Variants in AIG1 observed in about 807,000 individuals in gnomAD.
AIG1 encodes the protein androgen induced 1.
AIG1 carries 23 observed loss-of-function variants against 31.4 expected under a neutral mutation model. The ratio of observed to expected loss-of-function variants is 0.73; its 90% CI spans 0.53 to 1.04. The LOEUF is 1.04. Ranked by LOEUF, AIG1 falls within the 50% of genes least tolerant of loss-of-function variation. AIG1 has a pLI of 0.00. For synonymous variants in AIG1, 100 were observed against 110.5 expected (o/e 0.90, Z 0.60); for missense variants, 274 against 295.0 (o/e 0.93, Z 0.52).
At chr6:143,091,171 C>G (rs1044435141) in intron 1 of AIG1, among the ~76,000 whole-genome samples, 1 of 152,176 alleles carries the variant, frequency 6.6e-6, no homozygotes, top group Non-Finnish European at 1.5e-5. Flanking sequence ...AATTCCATTT[C>G]TCTTGTAATT....
chr6:143,305,707 T>G (rs568527384), intron 4 of AIG1, among the ~76,000 whole-genome samples: 1 of 152,180 alleles, frequency 6.6e-6, no homozygotes, highest in African/African-American at 2.4e-5. Context: ...TTCTGTTGAT[T>G]TGGGGTGAAG....
chr6:143,082,495 T>C (rs1447291053), intron 1 of AIG1, among the ~76,000 whole-genome samples: 1 of 152,186 alleles, frequency 6.6e-6, no homozygotes, highest in Non-Finnish European at 1.5e-5. Context: ...CTTCAAGTAA[T>C]AGAGCCCGAT....
chr6:143,127,114 C>T, intron 1 of AIG1, among the ~76,000 whole-genome samples: 1 of 152,132 alleles, frequency 6.6e-6, no homozygotes, highest in African/African-American at 2.4e-5. Flanking sequence ...TTAAATGTCA[C>T]ATAATACTTT....
intron 3 of AIG1, among the ~76,000 whole-genome samples, chr6:143,260,346 C>A (rs1192769730): frequency 6.6e-6 from 1 of 152,184 alleles, no homozygotes; most frequent in Non-Finnish European, 1.5e-5. Context: ...AAGACACCTC[C>A]CCCTATCCCA....
intron 3 of AIG1, among the ~76,000 whole-genome samples, chr6:143,233,939 TAGTTTGCCA>T (rs1460899474): frequency 6.6e-6 from 1 of 152,246 alleles, no homozygotes; most frequent in Non-Finnish European, 1.5e-5. Context: ...AGCATGCACA[TAGTTTGCCA>T]AGTTAGTAAA....
intron 2 of AIG1, among the ~76,000 whole-genome samples, chr6:143,147,759 G>A (rs548586021): frequency 1.3e-5 from 2 of 152,262 alleles, no homozygotes; most frequent in East Asian, 3.9e-4. Context: ...TCCTGCCTGT[G>A]AATGAGCAGT....
At chr6:143,283,385 G>A (rs573684504) in intron 3 of AIG1, among the ~76,000 whole-genome samples, 41 of 152,290 alleles carry the variant, frequency 2.7e-4, no homozygotes, top group East Asian at 2.5e-3. Context: ...CTGATTTGGC[G>A]TTGTTTGCTA....
At chr6:143,200,011 A>G (rs932855304) in intron 3 of AIG1, among the ~76,000 whole-genome samples, 5 of 152,190 alleles carry the variant, frequency 3.3e-5, no homozygotes, top group African/African-American at 1.2e-4. Context: ...TCCTGGTGAC[A>G]GGAAAGAATG....
At chr6:143,163,391 C>T (rs1187300729) in intron 2 of AIG1, among the ~76,000 whole-genome samples, 2 of 152,216 alleles carry the variant, frequency 1.3e-5, no homozygotes, top group African/African-American at 2.4e-5. Flanking sequence ...TGCTTAAAGA[C>T]GTTCTTCTGA....
intron 1 of AIG1, among the ~76,000 whole-genome samples, chr6:143,066,544 A>G (rs528740510): frequency 2.6e-5 from 4 of 152,088 alleles, no homozygotes; most frequent in Admixed American, 1.3e-4. Flanking sequence ...AAGTGCTGGG[A>G]TTACAGGTGT....
chr6:143,069,314 G>A (rs1777038121), intron 1 of AIG1, among the ~76,000 whole-genome samples: 1 of 152,128 alleles, frequency 6.6e-6, no homozygotes, highest in Admixed American at 6.6e-5. Flanking sequence ...ACCGCGCGCG[G>A]CCAATTTATT....
chr6:143,342,280 G>A (rs1485230238), downstream of AIG1: 3 of 686,238 alleles, frequency 4.4e-6, no homozygotes, highest in East Asian at 8.2e-5. Flanking sequence ...AGAGGCTGGG[G>A]CTGCGGCTCA....
At chr6:143,241,158 G>A (rs185662614) in intron 3 of AIG1, among the ~76,000 whole-genome samples, 1 of 152,104 alleles carries the variant, frequency 6.6e-6, no homozygotes, top group African/African-American at 2.4e-5. Context: ...TCCTGTGCTG[G>A]GCTCAAGGTA....
intron 4 of AIG1, among the ~76,000 whole-genome samples, chr6:143,290,334 G>T (rs9376739): frequency 0.73 from 110,904 of 152,158 alleles, 42,123 homozygotes; most frequent in East Asian, 1. Flanking sequence ...GACCTGGTGT[G>T]TTATGTGTTG....
chr6:143,176,466 C>T (rs949972950), intron 3 of AIG1, among the ~76,000 whole-genome samples: 2 of 152,168 alleles, frequency 1.3e-5, no homozygotes, highest in Admixed American at 1.3e-4. Flanking sequence ...GACTATCAGG[C>T]TGGGACAGAG....
chr6:143,281,927 G>A (rs1797364960), intron 3 of AIG1, among the ~76,000 whole-genome samples: 2 of 152,220 alleles, frequency 1.3e-5, no homozygotes, highest in South Asian at 2.1e-4. Context: ...TAGTGGTGAT[G>A]ACACCAATGA....
chr6:143,267,356 T>C (rs981735324), intron 3 of AIG1, among the ~76,000 whole-genome samples: 2 of 152,222 alleles, frequency 1.3e-5, no homozygotes, highest in African/African-American at 4.8e-5. Flanking sequence ...CCAAAACACT[T>C]ACTGGATTGA....
chr6:143,250,666 A>T (rs1165593081), intron 3 of AIG1, among the ~76,000 whole-genome samples: 1 of 152,082 alleles, frequency 6.6e-6, no homozygotes, highest in East Asian at 1.9e-4. Flanking sequence ...ACAGAGACAG[A>T]GATTGGAGTG....
chr6:143,276,897 T>G (rs1796961513), intron 3 of AIG1, among the ~76,000 whole-genome samples: 1 of 152,206 alleles, frequency 6.6e-6, no homozygotes, highest in Admixed American at 6.5e-5. Context: ...CTATCTCCCT[T>G]GAAGAGGAGA....
Sources: gnomAD v4.1 joint callset for allele counts (sites outside exome capture counted in the v4.1 genomes callset) on GRCh38, gnomAD v4.1.1 for gene constraint, MANE v1.5 for transcripts, NCBI Gene and HGNC (gene_info 2026-07-23, HGNC 2026-07-21) for gene names.